CCNH: variants seen among roughly 807,000 people sequenced by gnomAD.
CCNH encodes the protein cyclin-H.
In CCNH, 31 loss-of-function variants were observed where a neutral mutation model predicts 41.9. That is an observed-to-expected ratio of 0.74 (90% CI 0.56 to 1.00). The LOEUF (loss-of-function observed/expected upper bound fraction) is 1.00. Among genes scored for constraint, CCNH ranks in the 50% least tolerant of loss-of-function variants. CCNH has a pLI of 0.00. For synonymous variants in CCNH, 138 were observed against 136.1 expected (o/e 1.01, Z -0.10); for missense variants, 362 against 388.4 (o/e 0.93, Z 0.57).
intron 6 of CCNH, among the ~76,000 whole-genome samples, chr5:87,400,993 G>A (rs951676557): frequency 3.3e-5 from 5 of 152,188 alleles, no homozygotes; most frequent in South Asian, 2.1e-4. Context: ...TCTTGATTAC[G>A]CAGGGCTGTA....
At chr5:87,410,193 A>T (rs753025398) in intron 2 of CCNH, among the ~76,000 whole-genome samples, 2 of 152,240 alleles carry the variant, frequency 1.3e-5, no homozygotes, top group Non-Finnish European at 2.9e-5. Context: ...TTTTGTCATT[A>T]TGTAAAACAA....
At position 87,367,190 on chromosome 5, in the gene CCNH, A is replaced by G. The variant is rs561407635; in HGVS notation, c.*90+25580T>C. Reference sequence around the variant, plus strand: ...AATAGCATTAACAAAGTACATTTCAAGGAAATGAGAAGACATCTGTACCAT... The same window carrying G: ...AATAGCATTAACAAAGTACATTTCAGGGAAATGAGAAGACATCTGTACCAT... On this transcript the variant is annotated intron_variant and NMD_transcript_variant, in intron 9 of 9. Transcript: ENST00000645953. Among the ~76,000 whole-genome samples the G allele has an allele frequency of 1.4e-4, 22 of 152,372 alleles. No individual in the cohort carries two copies. In the East Asian group the frequency reaches 4.0e-3, roughly 28 times the overall value.
intron 9 of CCNH, among the ~76,000 whole-genome samples, chr5:87,336,538 G>A (rs572300990): frequency 6.6e-6 from 1 of 151,812 alleles, no homozygotes; most frequent in Non-Finnish European, 1.5e-5. Context: ...GTTTTAGGGG[G>A]GATAACACAA....
intron 9 of CCNH, among the ~76,000 whole-genome samples, chr5:87,329,378 G>T (rs544214475): frequency 3.3e-5 from 5 of 152,186 alleles, no homozygotes; most frequent in South Asian, 4.1e-4. Flanking sequence ...GGAGGTGGGG[G>T]TTGCAGTGAG....
chr5:87,350,399 G>C (rs1189952858), intron 9 of CCNH, among the ~76,000 whole-genome samples: 1 of 151,742 alleles, frequency 6.6e-6, no homozygotes, highest in African/African-American at 2.4e-5. Flanking sequence ...CAGTTTTCTG[G>C]AGATTTAGAA....
upstream of CCNH, among the ~76,000 whole-genome samples, chr5:87,381,166 T>A (rs537608768): frequency 2.0e-5 from 3 of 152,320 alleles, no homozygotes; most frequent in Admixed American, 2.0e-4. Context: ...TTTGGGAGCT[T>A]ACGTAAGGTT....
intron 9 of CCNH, chr5:87,366,328 T>C (rs1418303172): frequency 1.3e-5 from 5 of 392,894 alleles, no homozygotes; most frequent in Non-Finnish European, 2.6e-5. Context: ...TTAGCATTAT[T>C]TTGATATAGT....
chr5:87,324,715 C>T (rs11745338), intron 9 of CCNH, among the ~76,000 whole-genome samples: 1 of 151,816 alleles, frequency 6.6e-6, no homozygotes, highest in African/African-American at 2.4e-5. Context: ...CCCAAGAATA[C>T]CTAATATAAA....
At chr5:87,386,953 G>A, downstream of CCNH, 2 of 1,469,030 alleles carry the variant, frequency 1.4e-6, no homozygotes, top group Non-Finnish European at 1.9e-6. Context: ...AGTTGATATA[G>A]CTGAGTTAAC....
intron 9 of CCNH, chr5:87,332,710 G>T: frequency 7.0e-7 from 1 of 1,426,954 alleles, no homozygotes; most frequent in Non-Finnish European, 9.7e-7. Context: ...TTTAGCTATT[G>T]CTCAGTTTCT....
intron 4 of CCNH, 50 bp downstream of exon 4, chr5:87,407,926 A>T: frequency 2.2e-6 from 3 of 1,362,868 alleles, no homozygotes; most frequent in Non-Finnish European, 3.1e-6. Context: ...TCTTTTGTTA[A>T]AGAATAGGAA....
chr5:87,404,106 A>G (rs1763616986), intron 5 of CCNH, among the ~76,000 whole-genome samples: 1 of 152,230 alleles, frequency 6.6e-6, no homozygotes, highest in Admixed American at 6.5e-5. Context: ...CGAAATTCTT[A>G]TTAATAAGTA....
In CCNH at chr5:87,332,899, A is replaced by G. The variant is rs35881049; in HGVS notation, c.*91-14002T>C. On this transcript the variant is annotated intron_variant and NMD_transcript_variant, in intron 9 of 9. Transcript: ENST00000645953. ...GTGATAGCCTAACAAATATTTCTGA[A>G]TGTATGGGAACAAATTACTGATTTC... Among the ~76,000 whole-genome samples, 1,185 of 152,264 alleles carry G rather than the reference A, an allele frequency of 7.8e-3. 8 individuals carry two copies. The highest frequency in any genetic ancestry group is 0.012 in the Non-Finnish European group (849 of 67,982).
rs1332273346 is a variant in CCNH at position 87,399,482 on chromosome 5, ACTT to A, written c.781_783del (p.Lys261del). The A allele has an allele frequency of 2.5e-6, 4 of 1,613,074 alleles. No homozygotes were observed. The highest frequency in any genetic ancestry group is 1.7e-5 in the Admixed American group (1 of 60,028). On this transcript the variant is annotated inframe_deletion, in exon 7 of 9. Transcript: ENST00000256897. ...ACTTCTTCAGATCTGGGTGGTTCAT[ACTT>A]CTTTACTAAGTTTCTCATGCCTATG...
At chr5:87,406,920 T>C (rs1005673944) in intron 4 of CCNH, among the ~76,000 whole-genome samples, 1 of 152,186 alleles carries the variant, frequency 6.6e-6, no homozygotes, top group Non-Finnish European at 1.5e-5. Flanking sequence ...GCAAATCTAA[T>C]CATGCCACTC....
At position 87,411,653 on chromosome 5, in the gene CCNH, A is replaced by AT. The variant is rs1248200931; in HGVS notation, c.118-308dup. On this transcript the variant is annotated intron_variant, in intron 1 of 8. Coordinates refer to ENST00000256897, the MANE Select transcript of CCNH (RefSeq NM_001239.4). ...ACAGTTGTGATATCATTATTTATAA[A>AT]TTAAAAAGTAGACAGACTTTTTAAA... Among the ~76,000 whole-genome samples, 10 of 152,106 alleles carry AT rather than the reference A, an allele frequency of 6.6e-5. No homozygotes were observed. In the East Asian group the frequency reaches 1.7e-3, roughly 26 times the overall value.
At chr5:87,390,548 T>A (rs1762433250), downstream of CCNH, among the ~76,000 whole-genome samples, 1 of 152,166 alleles carries the variant, frequency 6.6e-6, no homozygotes, top group Non-Finnish European at 1.5e-5. Context: ...GTGTGATAGT[T>A]CTGGCCTAAA....
At chr5:87,351,470 C>T (rs1381849109) in intron 9 of CCNH, among the ~76,000 whole-genome samples, 2 of 151,630 alleles carry the variant, frequency 1.3e-5, no homozygotes, top group Non-Finnish European at 3.0e-5. Flanking sequence ...ACAATATTAA[C>T]ATTTATCTAG....
At chr5:87,376,626 TAA>T in exon 1 of CCNH, 2 of 1,552,694 alleles carry the variant, frequency 1.3e-6, no homozygotes, top group Non-Finnish European at 1.8e-6. Flanking sequence ...TAACATTTAA[TAA>T]AAGATCCATT....
Sources: gnomAD v4.1 joint callset for allele counts (sites outside exome capture counted in the v4.1 genomes callset) on GRCh38, gnomAD v4.1.1 for gene constraint, MANE v1.5 for transcripts, NCBI Gene and HGNC (gene_info 2026-07-23, HGNC 2026-07-21) for gene names.